The following SGCZ variants were observed in gnomAD, a reference collection of about 807,000 sequenced individuals.
SGCZ encodes the protein sarcoglycan zeta.
In SGCZ, 40 loss-of-function variants were observed where a neutral mutation model predicts 41.3. That is an observed-to-expected ratio of 0.97 (90% CI 0.75 to 1.26). The LOEUF is 1.26. Among genes scored for constraint, SGCZ ranks in the 50% most tolerant of loss-of-function variants. SGCZ has a pLI of 0.00. For missense variants in SGCZ, 552 were observed against 369.8 expected (o/e 1.49, Z -4.04); for synonymous variants, 206 against 137.5 (o/e 1.50, Z -3.49).
chr8:14,366,725 C>T (rs1159339917), intron 2 of SGCZ, among the ~76,000 whole-genome samples: 1 of 152,096 alleles, frequency 6.6e-6, no homozygotes, highest in African/African-American at 2.4e-5. Context: ...TAACTCATTC[C>T]AGTATTAACT....
chr8:14,653,245 A>G (rs929676794), intron 1 of SGCZ, among the ~76,000 whole-genome samples: 3 of 152,034 alleles, frequency 2.0e-5, no homozygotes, highest in African/African-American at 7.3e-5. Context: ...ACCTGTGTCA[A>G]TTCTGGTTTG....
intron 2 of SGCZ, among the ~76,000 whole-genome samples, chr8:14,459,544 A>G (rs555059274): frequency 6.6e-5 from 10 of 152,202 alleles, no homozygotes; most frequent in African/African-American, 2.4e-4. Flanking sequence ...TAATGTGAGT[A>G]AACAGAAGTT....
chr8:15,012,645 T>TATATGTA (rs1554540077), intron 1 of SGCZ, among the ~76,000 whole-genome samples: 1 of 120,874 alleles, frequency 8.3e-6, no homozygotes, highest in Non-Finnish European at 1.7e-5. Context: ...CATATAAAAC[T>TATATGTA]ATATATAATA....
intron 1 of SGCZ, among the ~76,000 whole-genome samples, chr8:14,833,014 A>C (rs1161986195): frequency 6.6e-6 from 1 of 151,420 alleles, no homozygotes; most frequent in Non-Finnish European, 1.5e-5. Flanking sequence ...TTATTGTATT[A>C]TGTTGAAATG....
intron 4 of SGCZ, among the ~76,000 whole-genome samples, chr8:14,224,829 C>A (rs947004415): frequency 1.4e-4 from 22 of 152,150 alleles, no homozygotes; most frequent in Non-Finnish European, 3.1e-4. Flanking sequence ...TTATCAAATT[C>A]TATTTCAAAA....
chr8:14,619,308 C>T (rs1446711975), intron 1 of SGCZ, among the ~76,000 whole-genome samples: 2 of 152,070 alleles, frequency 1.3e-5, no homozygotes, highest in Non-Finnish European at 2.9e-5. Flanking sequence ...TAAGAGCTAT[C>T]TATGACAAAC....
intron 1 of SGCZ, among the ~76,000 whole-genome samples, chr8:14,888,241 G>T (rs186635220): frequency 2.0e-5 from 3 of 152,254 alleles, no homozygotes; most frequent in East Asian, 3.9e-4. Context: ...GGCTAAGATT[G>T]CAGGGCACCG....
At chr8:14,995,352 G>A (rs367911835) in intron 1 of SGCZ, among the ~76,000 whole-genome samples, 1 of 152,228 alleles carries the variant, frequency 6.6e-6, no homozygotes, top group East Asian at 1.9e-4. Flanking sequence ...GAAAGGAAGA[G>A]AGAAAGTAAA....
At chr8:14,508,051 G>T (rs377409467) in intron 2 of SGCZ, among the ~76,000 whole-genome samples, 3 of 152,084 alleles carry the variant, frequency 2.0e-5, no homozygotes, top group African/African-American at 7.2e-5. Flanking sequence ...GATTACCGGC[G>T]TGAGTCACTG....
intron 7 of SGCZ, among the ~76,000 whole-genome samples, chr8:14,095,091 T>C (rs1801802251): frequency 6.6e-6 from 1 of 152,196 alleles, no homozygotes; most frequent in Admixed American, 6.5e-5. Flanking sequence ...TTCACTCTGA[T>C]GATAGTTTCT....
At chr8:14,880,548 C>G (rs574446475) in intron 1 of SGCZ, among the ~76,000 whole-genome samples, 1 of 152,270 alleles carries the variant, frequency 6.6e-6, no homozygotes, top group East Asian at 1.9e-4. Flanking sequence ...GACTTGGAAG[C>G]AACCCAAATG....
chr8:15,080,800 G>T (rs1051347279), intron 1 of SGCZ, among the ~76,000 whole-genome samples: 14 of 151,928 alleles, frequency 9.2e-5, no homozygotes, highest in African/African-American at 2.7e-4. Flanking sequence ...CACCATGTTG[G>T]CCAGGCTGGT....
chr8:14,382,634 AAAG>A (rs1207227254), intron 2 of SGCZ, among the ~76,000 whole-genome samples: 1 of 152,180 alleles, frequency 6.6e-6, no homozygotes, highest in Non-Finnish European at 1.5e-5. Flanking sequence ...ATTGAGGGTT[AAAG>A]AAGAACTTCA....
At chr8:14,802,324 TATAAATAAAAC>T (rs1801347673) in intron 1 of SGCZ, among the ~76,000 whole-genome samples, 1 of 152,198 alleles carries the variant, frequency 6.6e-6, no homozygotes, top group African/African-American at 2.4e-5. Context: ...TGACTAAAAA[TATAAATAAAAC>T]ATAAATAAAA....
intron 1 of SGCZ, among the ~76,000 whole-genome samples, chr8:15,042,553 A>G (rs1192345698): frequency 6.6e-6 from 1 of 152,320 alleles, no homozygotes; most frequent in East Asian, 1.9e-4. Context: ...TACGTCCTTT[A>G]TAAATAATAT....
chr8:14,674,928 G>GCTTTTTTTTTTTTTTTTTTTTTTT lies in SGCZ; in HGVS notation c.40-120003_40-120002insAAAAAAAAAAAAAAAAAAAAAAAG, dbSNP rs1554478141. 4.8e-4 allele frequency among the ~76,000 whole-genome samples: 34 copies of GCTTTTTTTTTTTTTTTTTTTTTTT among 71,008 alleles called. 11 individuals are homozygous for GCTTTTTTTTTTTTTTTTTTTTTTT. The highest frequency in any genetic ancestry group is 1.4e-3 in the African/African-American group (28 of 19,696). The allele number at this position is 71,008 out of a possible 152,430, so 46.6% of individuals were successfully genotyped here. ...GCCAATTTAACCTCTTTTCTTTTCT[G>GCTTTTTTTTTTTTTTTTTTTTTTT]TTTTTTTTTTTTTTTTTTTTTTTTT... On this transcript the variant is annotated intron_variant, in intron 1 of 7. Transcript: ENST00000382080.
chr8:15,152,734 T>C (rs377165359), intron 1 of SGCZ, among the ~76,000 whole-genome samples: 8 of 152,362 alleles, frequency 5.3e-5, no homozygotes, highest in African/African-American at 1.9e-4. Flanking sequence ...GTACGTATCT[T>C]ATTCACAAAG....
At chr8:14,417,481 G>T (rs1799524909) in intron 2 of SGCZ, among the ~76,000 whole-genome samples, 1 of 151,574 alleles carries the variant, frequency 6.6e-6, no homozygotes, top group South Asian at 2.1e-4. Context: ...TTCATCAGTT[G>T]ATTACTTGGT....
At position 14,705,403 on chromosome 8, in the gene SGCZ, T is replaced by C. The variant is rs762537765; in HGVS notation, c.40-150477A>G. Among the ~76,000 whole-genome samples the C allele has an allele frequency of 3.3e-5, 5 of 152,118 alleles. No individual in the cohort carries two copies. The East Asian group carries it at 5.8e-4, about 18-fold the overall frequency. ...TGTGACTATGTGACTATAATCAAAT[T>C]ACTAAATCTTTCTGAATTTCCATTT... On this transcript the variant is annotated intron_variant, in intron 1 of 7. Coordinates refer to ENST00000382080, the MANE Select transcript of SGCZ (RefSeq NM_139167.4).
Sources: allele counts gnomAD v4.1 joint callset (sites outside exome capture counted in the v4.1 genomes callset), GRCh38; gene constraint gnomAD v4.1.1; transcripts MANE v1.5; gene names NCBI Gene and HGNC (gene_info 2026-07-23, HGNC 2026-07-21).